NIPA1: variants seen among roughly 807,000 people sequenced by gnomAD.
NIPA1 encodes magnesium transporter NIPA1.
Under a neutral mutation model 23.9 loss-of-function variants are expected in NIPA1, and 13 were observed. That is an observed-to-expected ratio of 0.54 (90% CI 0.35 to 0.87). The LOEUF is 0.87. Ranked by LOEUF, NIPA1 falls within the 40% of genes least tolerant of loss-of-function variation. The pLI, the probability that NIPA1 is intolerant of heterozygous loss-of-function variation, is 0.01. For missense variants in NIPA1, 362 were observed against 429.7 expected (o/e 0.84, Z 1.39); for synonymous variants, 234 against 202.9 (o/e 1.15, Z -1.30).
chr15:22,801,310 A>G (rs1043177343), intron 1 of NIPA1, among the ~76,000 whole-genome samples: 2 of 152,074 alleles, frequency 1.3e-5, no homozygotes, highest in African/African-American at 4.8e-5. Flanking sequence ...TCACATCAGC[A>G]GAGCACGCTA....
At chr15:22,814,572 C>T (rs1895379220) in intron 3 of NIPA1, among the ~76,000 whole-genome samples, 1 of 143,290 alleles carries the variant, frequency 7.0e-6, no homozygotes. Flanking sequence ...GCTGGAATTA[C>T]ATAGAAACAG....
intron 3 of NIPA1, chr15:22,814,083 GT>G (rs1168854283): frequency 7.8e-7 from 1 of 1,277,224 alleles, no homozygotes. Flanking sequence ...ACATCTGCAG[GT>G]GTTACTCACT....
rs1228302961 is a variant in NIPA1 at position 22,798,859 on chromosome 15, A to AAC, written c.179-11889_179-11888insCA. 1.4e-3 allele frequency among the ~76,000 whole-genome samples: 205 copies of AAC among 151,046 alleles called. 1 individual carries two copies. Among genetic ancestry groups the AAC allele is most frequent in the African/African-American group, 4.8e-3 (195 of 40,890 alleles). On this transcript the variant is annotated intron_variant, in intron 1 of 4. Transcript: ENST00000337435. ...TCAAAAAAAAAAAAAAAAAAAAAAAAAAACCTCTTTATTGTGGTAAATATC... is the reference window on the plus strand; with the variant it reads ...TCAAAAAAAAAAAAAAAAAAAAAAAAACAAACCTCTTTATTGTGGTAAATATC...
chr15:22,810,028 A>G (rs530325107), intron 1 of NIPA1, among the ~76,000 whole-genome samples: 2 of 148,432 alleles, frequency 1.3e-5, no homozygotes, highest in African/African-American at 5.2e-5. Context: ...CCTGGGCAAC[A>G]AGAGTGAAAC....
intron 1 of NIPA1, among the ~76,000 whole-genome samples, chr15:22,798,226 T>C (rs1325878433): frequency 7.0e-6 from 1 of 142,514 alleles, no homozygotes; most frequent in Non-Finnish European, 1.5e-5. Context: ...AAGAAACATA[T>C]ATGCTAAAAA....
chr15:22,812,791 T>C (rs1895345768), intron 3 of NIPA1, among the ~76,000 whole-genome samples: 1 of 152,198 alleles, frequency 6.6e-6, no homozygotes, highest in East Asian at 1.9e-4. Flanking sequence ...TTTTCCTGCT[T>C]ATCAGTGAAT....
chr15:22,808,384 G>A (rs1895254980), intron 1 of NIPA1, among the ~76,000 whole-genome samples: 1 of 152,158 alleles, frequency 6.6e-6, no homozygotes, highest in African/African-American at 2.4e-5. Flanking sequence ...CCAGACAGGA[G>A]CCCCAGTGGT....
rs1895612999 is a variant in NIPA1 at position 22,824,619 on chromosome 15, T to C, written c.*380T>C. 1 of 286,014 alleles carries C rather than the reference T, an allele frequency of 3.5e-6. No individual in the cohort carries two copies. The highest frequency in any genetic ancestry group is 2.2e-5 in the African/African-American group (1 of 45,516). The allele number at this position is 286,014 out of a possible 1,614,324, so 17.7% of individuals were successfully genotyped here. A position where few individuals can be genotyped will look rare whatever the true frequency, so the allele number is the denominator to read the frequency against. On this transcript the variant is annotated 3_prime_UTR_variant, in exon 5 of 5. Transcript: ENST00000337435. The surrounding 1 kb of genome is among the most constrained non-coding windows in gnomAD (Gnocchi z 4.1). ...GCAGAGATATTTTTACTTAGATTAC[T>C]TTGGGAATGAGAGATTGTTGTCTTG...
upstream of NIPA1, chr15:22,786,597 C>T (rs1894703682): frequency 4.4e-6 from 3 of 685,448 alleles, no homozygotes; most frequent in South Asian, 1.9e-4. Context: ...CGGTCACCCC[C>T]CATCCCGCCC....
chr15:22,804,640 A>G (rs1377320102), intron 1 of NIPA1, among the ~76,000 whole-genome samples: 1 of 152,066 alleles, frequency 6.6e-6, no homozygotes, highest in Non-Finnish European at 1.5e-5. Flanking sequence ...CTGAGGCATG[A>G]ATTAAACTTC....
chr15:22,810,394 TGA>T (rs1895295218), intron 1 of NIPA1, among the ~76,000 whole-genome samples: 1 of 152,182 alleles, frequency 6.6e-6, no homozygotes, highest in South Asian at 2.1e-4. Context: ...AGTAAATGCA[TGA>T]GAGAGTTGGA....
chr15:22,823,946 C>T lies in NIPA1; in HGVS notation c.697C>T (p.Leu233Phe). 6.2e-7 allele frequency: 1 copy of T among 1,614,160 alleles called. No homozygotes were observed. Among genetic ancestry groups the T allele is most frequent in the Non-Finnish European group, 8.5e-7 (1 of 1,179,984 alleles). ...GAGAGCCCTCTGCCTGTGCCTGGTA[C>T]TCCTGGCCGTGCTCGGCTGCAGCAT... is the stretch of plus-strand genomic sequence containing the variant. ...SQRALCLCLV[L>F]LAVLGCSIIV... is the part of the protein sequence containing the mutation. The change falls in exon 5 of 5, where the codon CTC (leucine) becomes TTC (phenylalanine). Residue 233 changes from leucine to phenylalanine, a missense_variant. Coordinates refer to ENST00000337435, the MANE Select transcript of NIPA1 (RefSeq NM_144599.5).
chr15:22,822,573 A>G (rs1297685838), intron 4 of NIPA1, among the ~76,000 whole-genome samples: 1 of 152,208 alleles, frequency 6.6e-6, no homozygotes, highest in Admixed American at 6.5e-5. Context: ...TCACGCCTGT[A>G]ATCCCAACAC....
At chr15:22,802,951 C>CT (rs79886193) in intron 1 of NIPA1, among the ~76,000 whole-genome samples, 239 of 149,426 alleles carry the variant, frequency 1.6e-3, no homozygotes, top group Non-Finnish European at 2.9e-3. Context: ...TGTTGATGAA[C>CT]TTTTTTTTTT....
chr15:22,796,502 T>C (rs955454740), intron 1 of NIPA1, among the ~76,000 whole-genome samples: 1 of 151,926 alleles, frequency 6.6e-6, no homozygotes, highest in Admixed American at 6.6e-5. Context: ...TAGGGTCTTG[T>C]TATGTTGATC....
chr15:22,821,770 C>A (rs1405986351), intron 4 of NIPA1, among the ~76,000 whole-genome samples: 1 of 152,188 alleles, frequency 6.6e-6, no homozygotes, highest in Non-Finnish European at 1.5e-5. Context: ...GTTTGCATGT[C>A]CACACTTGCT....
intron 1 of NIPA1, among the ~76,000 whole-genome samples, chr15:22,798,850 A>C (rs1194785144): frequency 2.6e-5 from 4 of 151,284 alleles, no homozygotes; most frequent in South Asian, 2.1e-4. Flanking sequence ...AAAAAAAAAA[A>C]AAAAAAAAAA....
intron 1 of NIPA1, among the ~76,000 whole-genome samples, chr15:22,791,824 A>G (rs1345494478): frequency 6.6e-6 from 1 of 152,162 alleles, no homozygotes; most frequent in African/African-American, 2.4e-5. Flanking sequence ...TACAACTCCC[A>G]GTAGTCCAGG....
chr15:22,813,707 G>A (rs1354317096), intron 3 of NIPA1: 3 of 454,248 alleles, frequency 6.6e-6, no homozygotes, highest in Non-Finnish European at 1.3e-5. Flanking sequence ...AGTCACGTAG[G>A]CATTAAGGTT....
Sources: gnomAD v4.1 joint callset for allele counts (sites outside exome capture counted in the v4.1 genomes callset) on GRCh38, gnomAD v4.1.1 for gene constraint, Gnocchi (gnomAD v3.1) non-coding constraint, MANE v1.5 for transcripts, NCBI Gene and HGNC (gene_info 2026-07-23, HGNC 2026-07-21) for gene names.